PROM1: variants seen among roughly 807,000 people sequenced by gnomAD.
PROM1 encodes prominin-1.
In PROM1, 105 loss-of-function variants were observed where a neutral mutation model predicts 116.9. The observed-to-expected ratio is 0.90, with a 90% CI of 0.77 to 1.06. PROM1 has a LOEUF of 1.06. PROM1 is among the 50% of genes least tolerant of loss of function. PROM1 has a pLI of 0.00. For synonymous variants in PROM1, 393 were observed against 387.0 expected, an observed-to-expected ratio of 1.02 and a Z score of -0.18; for missense variants, 1,122 against 1,045.2, an observed-to-expected ratio of 1.07 and a Z score of -1.01.
At chr4:16,013,820 G>T (rs1727560225) in intron 10 of PROM1, among the ~76,000 whole-genome samples, 1 of 152,156 alleles carries the variant, frequency 6.6e-6, no homozygotes, top group South Asian at 2.1e-4. Context: ...GCCATGCACA[G>T]TGTCACCAGT....
chr4:16,015,104 G>C (rs1203640168), intron 10 of PROM1, among the ~76,000 whole-genome samples: 1 of 152,152 alleles, frequency 6.6e-6, no homozygotes, highest in Non-Finnish European at 1.5e-5. Flanking sequence ...CCAGCACTTT[G>C]GGAGGCCGAG....
At chr4:16,069,400 G>C (rs900335414) in intron 2 of PROM1, among the ~76,000 whole-genome samples, 1 of 152,208 alleles carries the variant, frequency 6.6e-6, no homozygotes, top group Non-Finnish European at 1.5e-5. Flanking sequence ...CATAAAATTG[G>C]AAGTGGCACT....
intron 3 of PROM1, among the ~76,000 whole-genome samples, chr4:16,038,683 G>A (rs1263511174): frequency 6.6e-6 from 1 of 152,318 alleles, no homozygotes; most frequent in Admixed American, 6.5e-5. Flanking sequence ...TTACAGGCGT[G>A]AGCCACCACA....
rs147194630 is a variant in PROM1, at chr4:16,074,467, C to T, written c.220+1220G>A. 2.4e-3 allele frequency among the ~76,000 whole-genome samples: 365 copies of T among 152,194 alleles called. 5 individuals are homozygous for T. In the East Asian group the frequency reaches 0.039, roughly 16 times the overall value. On this transcript the variant is annotated intron_variant, in intron 2 of 27. Transcript: ENST00000447510. ...ATGTCTATTCAGAAGAGTGAATTTGCATCCAATGTTAAGAAATAAACTCTA... is the reference window on the plus strand; with the variant it reads ...ATGTCTATTCAGAAGAGTGAATTTGTATCCAATGTTAAGAAATAAACTCTA...
intron 26 of PROM1, among the ~76,000 whole-genome samples, chr4:15,976,799 G>A (rs1716250148): frequency 1.3e-5 from 2 of 152,168 alleles, no homozygotes. Context: ...GGGAGCCGTG[G>A]AGTTGTGCCT....
At position 15,987,700 on chromosome 4, in the gene PROM1, C is replaced by G; in HGVS notation, c.2093G>C (p.Ser698Thr). The change falls in exon 20 of 28, where the codon AGC becomes ACC. Residue 698 changes from serine to threonine, a missense_variant. Transcript: ENST00000447510. ...IEQSLSTLYQ[S>T]VKILQRTGNG... ...CCCTGTGCGTTGAAGTATCTTGACGCTTTGGTATAGAGTGCTCTGGCAAGA... is the reference window on the plus strand; with the variant it reads ...CCCTGTGCGTTGAAGTATCTTGACGGTTTGGTATAGAGTGCTCTGGCAAGA... 6.2e-7 allele frequency: 1 copy of G among 1,611,160 alleles called. No individual in the cohort carries two copies. Among genetic ancestry groups the G allele is most frequent in the Non-Finnish European group, 8.5e-7 (1 of 1,179,042 alleles).
intron 9 of PROM1, 118 bp from the exon 10 acceptor site, chr4:16,016,358 C>T (rs2286456): frequency 0.015 from 12,001 of 776,018 alleles, 271 homozygotes; most frequent in East Asian, 0.085. Context: ...AGGGTACAAT[C>T]GCAGTTTCTT....
At chr4:16,046,676 A>C (rs1254121659) in intron 2 of PROM1, among the ~76,000 whole-genome samples, 5 of 152,248 alleles carry the variant, frequency 3.3e-5, no homozygotes, top group Non-Finnish European at 7.3e-5. Context: ...ATACAAATAC[A>C]CATGCATTTG....
intron 23 of PROM1, among the ~76,000 whole-genome samples, chr4:15,982,610 C>T (rs771679526): frequency 2.6e-5 from 4 of 152,144 alleles, no homozygotes; most frequent in Non-Finnish European, 5.9e-5. Flanking sequence ...AGCCTCTAGG[C>T]CTCCCCTCTG....
intron 2 of PROM1, among the ~76,000 whole-genome samples, chr4:16,064,167 G>GA (rs1277983667): frequency 6.6e-6 from 1 of 152,112 alleles, no homozygotes; most frequent in Non-Finnish European, 1.5e-5. Context: ...AAACACATAG[G>GA]AAAAATCTTC....
intron 13 of PROM1, among the ~76,000 whole-genome samples, chr4:16,006,105 G>T (rs768177084): frequency 6.6e-6 from 1 of 152,182 alleles, no homozygotes; most frequent in Non-Finnish European, 1.5e-5. Flanking sequence ...CAAGTTTCTA[G>T]AATTTCAAGC....
At chr4:16,043,870 A>G (rs1401159397) in intron 2 of PROM1, among the ~76,000 whole-genome samples, 1 of 152,150 alleles carries the variant, frequency 6.6e-6, no homozygotes, top group Non-Finnish European at 1.5e-5. Flanking sequence ...GAACTTCAGT[A>G]TGGACCTTCT....
chr4:16,043,316 G>C (rs1008936464), intron 2 of PROM1, among the ~76,000 whole-genome samples: 9 of 152,158 alleles, frequency 5.9e-5, no homozygotes, highest in Non-Finnish European at 1.3e-4. Flanking sequence ...CCTGCTTTTT[G>C]TTTGTTTTGT....
intron 2 of PROM1, among the ~76,000 whole-genome samples, chr4:16,047,590 C>T (rs985227430): frequency 6.6e-6 from 1 of 152,132 alleles, no homozygotes; most frequent in African/African-American, 2.4e-5. Flanking sequence ...CAATTAGTTT[C>T]GTTAAACTAG....
intron 13 of PROM1, among the ~76,000 whole-genome samples, chr4:16,005,495 GGTGTGTGTGTGTGTGTGT>G (rs3221933): frequency 3.4e-4 from 50 of 145,902 alleles, no homozygotes; most frequent in South Asian, 6.7e-4. Flanking sequence ...TTGTTTGTTT[GGTGTGTGTGTGTGTGTGT>G]GTGTGTGTGT....
chr4:16,058,057 T>G (rs1437291564), intron 2 of PROM1, among the ~76,000 whole-genome samples: 1 of 152,172 alleles, frequency 6.6e-6, no homozygotes, highest in East Asian at 1.9e-4. Flanking sequence ...AAAGAAGGTT[T>G]TTTTCCAAGG....
chr4:16,071,321 C>CA (rs1742750906), intron 2 of PROM1, among the ~76,000 whole-genome samples: 1 of 152,214 alleles, frequency 6.6e-6, no homozygotes, highest in Non-Finnish European at 1.5e-5. Context: ...AAGGCTTCCT[C>CA]ACCTTCCTTC....
At position 16,033,437 on chromosome 4, in the gene PROM1, C is replaced by T. The variant is rs199556426; in HGVS notation, c.376G>A (p.Val126Met). 1.8e-4 allele frequency: 294 copies of T among 1,613,520 alleles called. 2 individuals carry two copies. In the South Asian group the frequency reaches 1.8e-3, roughly 10 times the overall value. ...GLLFIILMPLVGYFFCMCRCC... is the reference protein window; with the variant it reads ...GLLFIILMPLMGYFFCMCRCC... Reference sequence around the variant, plus strand: ...CGACACATACAAAAGAAATACCCCACCAGAGGCATCAGAATAATAAACAGC... The same window carrying T: ...CGACACATACAAAAGAAATACCCCATCAGAGGCATCAGAATAATAAACAGC... Residue 126 changes from valine to methionine, a missense_variant, in exon 5 of 28, where the codon GTG (valine) becomes ATG (methionine). Coordinates refer to ENST00000447510, the MANE Select transcript of PROM1 (RefSeq NM_006017.3).
chr4:15,979,308 AG>A, intron 26 of PROM1, 86 bp downstream of exon 26: 1 of 1,594,748 alleles, frequency 6.3e-7, no homozygotes, highest in Non-Finnish European at 8.6e-7. Flanking sequence ...TGAAGGCATC[AG>A]CAGCATGCAG....
Sources: allele counts gnomAD v4.1 joint callset (sites outside exome capture counted in the v4.1 genomes callset), GRCh38; gene constraint gnomAD v4.1.1; transcripts MANE v1.5; gene names NCBI Gene and HGNC (gene_info 2026-07-23, HGNC 2026-07-21).